RYR1: variants seen among roughly 807,000 people sequenced by gnomAD.
RYR1 encodes ryanodine receptor 1.
A neutral mutation model predicts 583.5 loss-of-function variants in RYR1; 342 were observed. The ratio of observed to expected loss-of-function variants is 0.59; its 90% CI spans 0.54 to 0.64. The LOEUF (loss-of-function observed/expected upper bound fraction) is 0.64, where lower values mean the gene tolerates loss of function less well. Ranked by LOEUF, RYR1 falls within the 30% of genes least tolerant of loss-of-function variation. The pLI is 0.00. For missense variants in RYR1, 6,032 were observed against 6,917.2 expected, an observed-to-expected ratio of 0.87 and a Z score of 4.54; for synonymous variants, 2,791 against 2,822.5, an observed-to-expected ratio of 0.99 and a Z score of 0.35.
rs541757529 is a variant in RYR1, at chr19:38,494,387, C to T, written c.6310C>T (p.Arg2104Cys). 4.3e-6 allele frequency: 7 copies of T among 1,611,754 alleles called. No homozygotes were observed. The highest frequency in any genetic ancestry group is 1.1e-5 in the South Asian group (1 of 91,002). The change falls in exon 39 of 106, where the codon CGC becomes TGC. Residue 2104 changes from arginine (R) to cysteine (C), a missense_variant. Arg to Cys is a radical substitution (Grantham distance 180). Coordinates refer to ENST00000359596, the MANE Select transcript of RYR1 (RefSeq NM_000540.3). ...LQELVSHMVVRWAQEDFVQSP... is the reference protein window; with the variant it reads ...LQELVSHMVVCWAQEDFVQSP... ...GGAGCTGGTGTCCCACATGGTGGTG[C>T]GCTGGGCCCAAGAGGACTTCGTGCA...
chr19:38,507,102 G>A (rs950820879), intron 57 of RYR1, 150 bp downstream of exon 57: 31 of 1,311,176 alleles, frequency 2.4e-5, no homozygotes, highest in Non-Finnish European at 3.0e-5. Context: ...AGGGAGTGGG[G>A]CCTGGACACA....
At chr19:38,480,440 G>A (rs1369330725) in intron 31 of RYR1, among the ~76,000 whole-genome samples, 1 of 151,994 alleles carries the variant, frequency 6.6e-6, no homozygotes, top group African/African-American at 2.4e-5. Flanking sequence ...CACTGCGCCT[G>A]GCTTGTTTCA....
Position 38,483,847 on chromosome 19 carries a change from G to C in RYR1, c.4934+331G>C, listed in dbSNP as rs564801727. Among the ~76,000 whole-genome samples the C allele has an allele frequency of 6.6e-6, 1 of 151,822 alleles. No individual in the cohort carries two copies. Among genetic ancestry groups the C allele is most frequent in the Non-Finnish European group, 1.5e-5 (1 of 67,916 alleles). ...CCAGACCCACATCAACACCCCAGGG[G>C]GCCCCAAGTACACCCCAGGATCCCT... On this transcript the variant is annotated intron_variant, in intron 33 of 105. Transcript: ENST00000359596. This position sits in a 1 kb window ranked among gnomAD's most constrained non-coding sequence, Gnocchi z 6.3.
rs1309908698 is a variant in RYR1, at chr19:38,483,667, C to G, written c.4934+151C>G. 6 of 693,738 alleles carry G rather than the reference C, an allele frequency of 8.6e-6. No homozygotes were observed. 43.0% of individuals were successfully genotyped at this position (693,738 alleles called of 1,614,324 possible). On this transcript the variant is annotated intron_variant, in intron 33 of 105. Transcript: ENST00000359596. The surrounding 1 kb of genome is among the most constrained non-coding windows in gnomAD (Gnocchi z 6.3). ...CCTACCTCAGGGGACTCGGGCTCAG[C>G]TCAGACATCCCCAGATTATGTCCCA...
At chr19:38,542,167 G>A (rs920480649) in intron 84 of RYR1, among the ~76,000 whole-genome samples, 5 of 150,450 alleles carry the variant, frequency 3.3e-5, no homozygotes, top group East Asian at 1.9e-4. Context: ...TAGTAAGAAC[G>A]CAACAAATTT....
rs1285864293 is a variant in RYR1 at position 38,565,396 on chromosome 19, G to T, written c.13062G>T (p.Ala4354=). ...CTGGCGCGGGGGCGGCGGCGGGCGC[G>T]CTGGGCCTGCTCTGGGGCTCGCTGT... ...GAAGAGAAAG[A]LGLLWGSLFG... is the part of the protein sequence containing the mutation. The change falls in exon 91 of 106, where the codon GCG becomes GCT. Residue 4354 remains alanine, a synonymous_variant. Coordinates refer to ENST00000359596, the MANE Select transcript of RYR1 (RefSeq NM_000540.3). The surrounding 1 kb of genome is among the most constrained non-coding windows in gnomAD (Gnocchi z 4.7). 2 of 1,428,996 alleles carry T rather than the reference G, an allele frequency of 1.4e-6. No homozygotes were observed. The highest frequency in any genetic ancestry group is 1.4e-5 in the South Asian group (1 of 70,984). The allele number at this position is 1,428,996 out of a possible 1,614,324, so 88.5% of individuals were successfully genotyped here.
Position 38,528,977 on chromosome 19 carries a change from G to A in RYR1, c.11061G>A (p.Glu3687=), listed in dbSNP as rs570008594. The change falls in exon 76 of 106, where the codon GAG becomes GAA. Residue 3687 remains glutamate (E), a synonymous_variant. Transcript: ENST00000359596. The stretch of plus-strand genomic sequence containing the variant: ...AAGCTGGGGAGCAGGAGGAGGAGGA[G>A]GAAGAGGTGGAAGAGAAGAAGCCAG... ...LSKAGEQEEE[E]EEVEEKKPDP... is the part of the protein sequence containing the mutation. 6.2e-7 allele frequency: 1 copy of A among 1,611,716 alleles called. No homozygotes were observed. The highest frequency in any genetic ancestry group is 8.5e-7 in the Non-Finnish European group (1 of 1,178,980).
At chr19:38,488,093 A>C (rs1969379106) in intron 34 of RYR1, among the ~76,000 whole-genome samples, 1 of 152,182 alleles carries the variant, frequency 6.6e-6, no homozygotes, top group Non-Finnish European at 1.5e-5. Context: ...CTGTGATTAC[A>C]GGTGTGAGCC....
At chr19:38,484,463 C>T (rs1197503331) in intron 33 of RYR1, among the ~76,000 whole-genome samples, 2 of 151,176 alleles carry the variant, frequency 1.3e-5, no homozygotes, top group African/African-American at 4.9e-5. Context: ...TCTCTCCCTC[C>T]CTCACTTCCT....
intron 31 of RYR1, 58 bp downstream of exon 31, chr19:38,478,658 C>T: frequency 6.3e-7 from 1 of 1,586,348 alleles, no homozygotes; most frequent in Non-Finnish European, 8.6e-7. Context: ...CCCAGGACAG[C>T]TCTTATAGAT....
Position 38,535,369 on chromosome 19 carries a change from C to G in RYR1, c.11493C>G (p.Ile3831Met). The stretch of plus-strand genomic sequence containing the variant: ...AGGAAGTTGGCTTCTTCCAGAGTAT[C>G]CAGGCACTGATGCAAACATGCAGGT... The part of the protein sequence containing the change: ...DKKEVGFFQS[I>M]QALMQTCSVL... Residue 3831 changes from isoleucine (I) to methionine (M), a missense_variant, in exon 81 of 106, where the codon ATC becomes ATG. Physicochemically the swap from Ile to Met is conservative, Grantham distance 10. This residue lies in a region of RYR1 where 1,493 missense variants were observed against 1,715.5 expected (regional missense o/e 0.87). Coordinates refer to ENST00000359596, the MANE Select transcript of RYR1 (RefSeq NM_000540.3). 1 of 1,614,064 alleles carries G rather than the reference C, an allele frequency of 6.2e-7. No homozygotes were observed. Among genetic ancestry groups the G allele is most frequent in the South Asian group, 1.1e-5 (1 of 91,080 alleles).
chr19:38,462,669 G>T (rs1457457418), intron 20 of RYR1, among the ~76,000 whole-genome samples: 1 of 152,180 alleles, frequency 6.6e-6, no homozygotes, highest in Non-Finnish European at 1.5e-5. Flanking sequence ...GTCCTTATTA[G>T]GTATCGCTAT....
At chr19:38,525,624 T>C in intron 71 of RYR1, 122 bp downstream of exon 71, 1 of 1,069,004 alleles carries the variant, frequency 9.4e-7, no homozygotes, top group African/African-American at 1.6e-5. Flanking sequence ...GAGCCTTCCC[T>C]TCAGACCCCA....
chr19:38,512,269 G>A lies in RYR1; in HGVS notation c.9258G>A (p.Glu3086=), dbSNP rs1475518636. The A allele has an allele frequency of 6.2e-7, 1 of 1,614,150 alleles. No homozygotes were observed. Among genetic ancestry groups the A allele is most frequent in the East Asian group, 2.2e-5 (1 of 44,904 alleles). The part of the protein sequence containing the change: ...DARTVMKSGP[E]IVKAGLRSFF... ...GGACAGTGATGAAGTCAGGCCCTGA[G>A]ATCGTGAAGGCTGGCCTCCGCTCCT... Residue 3086 remains glutamate, a synonymous_variant, in exon 63 of 106, where the codon GAG becomes GAA. Coordinates refer to ENST00000359596, the MANE Select transcript of RYR1 (RefSeq NM_000540.3). The surrounding 1 kb of genome is among the most constrained non-coding windows in gnomAD (Gnocchi z 5.1).
chr19:38,506,384 G>C lies in RYR1; in HGVS notation c.8616+7G>C. 6.2e-7 allele frequency: 1 copy of C among 1,613,744 alleles called. No homozygotes were observed. The highest frequency in any genetic ancestry group is 1.1e-5 in the South Asian group (1 of 91,058). ...CCTGTCCCGGGAGCTGCAGGTGAGA[G>C]CCCTGATCCTTTTGGGGGGACATAG... On this transcript the variant is annotated splice_region_variant and intron_variant, in intron 55 of 105. Coordinates refer to ENST00000359596, the MANE Select transcript of RYR1 (RefSeq NM_000540.3).
chr19:38,570,324 C>T lies in RYR1; in HGVS notation c.13660-283C>T, dbSNP rs111395089. ...CAAATTAGCTGGGCGTGGTGGCACACGCCTGTAGTCCCAGCTACTCGGGAG... is the reference window on the plus strand; with the variant it reads ...CAAATTAGCTGGGCGTGGTGGCACATGCCTGTAGTCCCAGCTACTCGGGAG... On this transcript the variant is annotated intron_variant, in intron 93 of 105. Transcript: ENST00000359596. 3.8e-4 allele frequency among the ~76,000 whole-genome samples: 58 copies of T among 151,598 alleles called. 1 individual carries two copies. Among genetic ancestry groups the T allele is most frequent in the African/African-American group, 1.1e-3 (47 of 41,270 alleles).
chr19:38,527,466 C>T lies in RYR1; in HGVS notation c.10687-181C>T, dbSNP rs561036980. The T allele has an allele frequency of 3.3e-5, 25 of 753,272 alleles. No individual in the cohort carries two copies. The Admixed American group carries it at 4.5e-4, about 14-fold the overall frequency. The allele number at this position is 753,272 out of a possible 1,614,324, so 46.7% of individuals were successfully genotyped here. Reference sequence around the variant, plus strand: ...CAGAGGTTGCAGTGAGCTGAGATCGCACCACTGCACTCCAGCCTGGGTGAT... The same window carrying T: ...CAGAGGTTGCAGTGAGCTGAGATCGTACCACTGCACTCCAGCCTGGGTGAT... On this transcript the variant is annotated intron_variant, in intron 72 of 105. Coordinates refer to ENST00000359596, the MANE Select transcript of RYR1 (RefSeq NM_000540.3).
At chr19:38,465,843 G>A (rs1330661152) in intron 23 of RYR1, among the ~76,000 whole-genome samples, 1 of 152,180 alleles carries the variant, frequency 6.6e-6, no homozygotes, top group Non-Finnish European at 1.5e-5. Context: ...AGAGATAGGG[G>A]TCCCAAAGTC....
chr19:38,584,881 G>A (rs2145912572), intron 101 of RYR1, 62 bp from the exon 102 acceptor site: 1 of 1,603,828 alleles, frequency 6.2e-7, no homozygotes, highest in Non-Finnish European at 8.5e-7. Context: ...CTATCCCGGG[G>A]CCTTGGCTGG....
Sources: allele counts gnomAD v4.1 joint callset (sites outside exome capture counted in the v4.1 genomes callset), GRCh38; gene constraint gnomAD v4.1.1; regional missense constraint gnomAD v4.1.1; non-coding constraint Gnocchi (gnomAD v3.1); transcripts MANE v1.5; gene names NCBI Gene and HGNC (gene_info 2026-07-23, HGNC 2026-07-21).